Variants in EPB41L1 observed in about 807,000 individuals in gnomAD.
EPB41L1 encodes the protein band 4.1-like protein 1.
Under a neutral mutation model 97.8 loss-of-function variants are expected in EPB41L1, and 29 were observed. The observed-to-expected ratio is 0.30, with a 90% confidence interval of 0.22 to 0.40. The LOEUF is 0.40. EPB41L1 is among the 10% of genes least tolerant of loss of function. The pLI is 1.00. For synonymous variants in EPB41L1, 383 were observed against 459.2 expected (o/e 0.83, Z 2.12); for missense variants, 812 against 1,162.3 (o/e 0.70, Z 4.38).
intron 15 of EPB41L1, among the ~76,000 whole-genome samples, chr20:36,210,864 T>C (rs1000578336): frequency 5.3e-5 from 8 of 152,216 alleles, no homozygotes; most frequent in African/African-American, 1.9e-4. Flanking sequence ...AATAGATGAT[T>C]AACTGGATGA....
intron 14 of EPB41L1, among the ~76,000 whole-genome samples, chr20:36,199,814 A>G (rs1335098364): frequency 1.3e-5 from 2 of 152,088 alleles, no homozygotes; most frequent in African/African-American, 4.8e-5. Context: ...TGCAGAGGCT[A>G]CTGAAAGAGT....
rs528613205 is a variant in EPB41L1, at chr20:36,197,837, C to T, written c.1486-22C>T. The T allele has an allele frequency of 8.9e-5, 144 of 1,614,080 alleles. No individual in the cohort carries two copies. The South Asian group carries it at 1.5e-3, about 16-fold the overall frequency. On this transcript the variant is annotated intron_variant, in intron 13 of 21. Coordinates refer to ENST00000338074, the MANE Select transcript of EPB41L1 (RefSeq NM_012156.2). ...CTTGGAGCTGTTCCCCTAACACCACCACCCTCTCCATCTATCCCTAGTTCT... is the reference window on the plus strand; with the variant it reads ...CTTGGAGCTGTTCCCCTAACACCACTACCCTCTCCATCTATCCCTAGTTCT...
At chr20:36,186,095 G>T (rs780892651) in intron 7 of EPB41L1, among the ~76,000 whole-genome samples, 1 of 152,180 alleles carries the variant, frequency 6.6e-6, no homozygotes, top group Non-Finnish European at 1.5e-5. Flanking sequence ...TCATTGTGCA[G>T]AATGTTCAGC....
chr20:36,188,581 AACACACACACACACAC>A lies in EPB41L1; in HGVS notation c.1026+128_1026+143del, dbSNP rs55990020. The A allele has an allele frequency of 6.4e-4, 301 of 467,286 alleles. 3 individuals are homozygous for A. Among genetic ancestry groups the A allele is most frequent in the East Asian group, 3.2e-3 (40 of 12,698 alleles). 28.9% of individuals were successfully genotyped at this position (467,286 alleles called of 1,614,324 possible). On this transcript the variant is annotated intron_variant, in intron 9 of 21. Coordinates refer to ENST00000338074, the MANE Select transcript of EPB41L1 (RefSeq NM_012156.2). Reference sequence around the variant, plus strand: ...CCCTGGCAGCTGGGCCTGGACTGCCAACACACACACACACACACACACACACACACACACACACACA... The same window carrying A: ...CCCTGGCAGCTGGGCCTGGACTGCCAACACACACACACACACACACACACA...
rs540248862 is a variant in EPB41L1 at position 36,168,536 on chromosome 20, CT to C, written c.-14-5214del. Among the ~76,000 whole-genome samples, 1,050 of 140,278 alleles carry C rather than the reference CT, an allele frequency of 7.5e-3. 7 individuals are homozygous for C. The highest frequency in any genetic ancestry group is 0.022 in the South Asian group (97 of 4,370). 92.0% of individuals were successfully genotyped at this position (140,278 alleles called of 152,430 possible). On this transcript the variant is annotated intron_variant, in intron 1 of 21. Coordinates refer to ENST00000338074, the MANE Select transcript of EPB41L1 (RefSeq NM_012156.2). ...TATTGGGTGTATACCATGTTAAGTG[CT>C]TTTTTTTTTTTTTAGATGGAGTCTT...
In EPB41L1 at chr20:36,130,244, G is replaced by GT. The variant is rs113296137; in HGVS notation, c.-10+17775dup. 3.3e-3 allele frequency among the ~76,000 whole-genome samples: 350 copies of GT among 107,466 alleles called. 3 individuals are homozygous for GT. Among genetic ancestry groups the GT allele is most frequent in the Middle Eastern group, 0.016 (3 of 192 alleles). 70.5% of individuals were successfully genotyped at this position (107,466 alleles called of 152,430 possible). On this transcript the variant is annotated intron_variant, in intron 2 of 19. Transcript: ENST00000202028. ...GGCATGAGCCACCTTGCCCAGCAGT[G>GT]TTTTTTTTTTTGTTTTTTTTAATTA... is the stretch of plus-strand genomic sequence containing the variant.
upstream of EPB41L1, chr20:36,150,353 G>A (rs1325091884): frequency 6.6e-6 from 1 of 152,176 alleles, no homozygotes; most frequent in Non-Finnish European, 1.5e-5. Context: ...TTACAGGTGT[G>A]AGCCATGCCC....
chr20:36,201,768 A>G (rs1190271550), intron 14 of EPB41L1, among the ~76,000 whole-genome samples: 1 of 152,184 alleles, frequency 6.6e-6, no homozygotes, highest in Non-Finnish European at 1.5e-5. Context: ...AGGCCCAGGC[A>G]GGAGGCTGTG....
chr20:36,201,222 C>G (rs1412067006), intron 14 of EPB41L1, among the ~76,000 whole-genome samples: 1 of 152,228 alleles, frequency 6.6e-6, no homozygotes, highest in East Asian at 1.9e-4. Flanking sequence ...TGCAACCATT[C>G]TGGGAAGACA....
rs144426436 is a variant in EPB41L1 at position 36,198,016 on chromosome 20, A to G, written c.1643A>G (p.Lys548Arg). 3.8e-3 allele frequency: 6,057 copies of G among 1,613,530 alleles called. 25 individuals carry two copies. The highest frequency in any genetic ancestry group is 4.3e-3 in the Non-Finnish European group (5,129 of 1,179,888). The change falls in exon 14 of 22, where the codon AAG becomes AGG. Residue 548 changes from lysine (K) to arginine (R), a missense_variant. Transcript: ENST00000338074. Reference protein sequence around the residue: ...LPSSPASPSPKGTPEKANERA... With the variant: ...LPSSPASPSPRGTPEKANERA... Reference sequence around the variant, plus strand: ...TCCTCCCCCGCCTCCCCCTCCCCCAAGGGCACCCCTGAGAAAGCCAATGAG... The same window carrying G: ...TCCTCCCCCGCCTCCCCCTCCCCCAGGGGCACCCCTGAGAAAGCCAATGAG...
intron 11 of EPB41L1, among the ~76,000 whole-genome samples, chr20:36,193,550 T>C (rs1385809673): frequency 6.6e-6 from 1 of 152,222 alleles, no homozygotes; most frequent in African/African-American, 2.4e-5. Context: ...TGATGCGAAG[T>C]CTAGTTCCAC....
At chr20:36,151,287 G>A (rs1461032005), upstream of EPB41L1, 1 of 152,278 alleles carries the variant, frequency 6.6e-6, no homozygotes, top group Admixed American at 6.5e-5. Context: ...AGACAGAGCA[G>A]AGAGGGAATG....
intron 13 of EPB41L1, chr20:36,197,627 ACATCTCCTCTTTTTCATCTTCAGTGCT>A (rs2062271847): frequency 1.0e-6 from 1 of 985,214 alleles, no homozygotes; most frequent in Admixed American, 6.2e-5. Context: ...GCTTGACTAG[ACATCTCCTCTTTTTCATCTTCAGTGCT>A]CTGTGCCTTG....
intron 2 of EPB41L1, among the ~76,000 whole-genome samples, chr20:36,119,586 G>A (rs1237047644): frequency 6.9e-6 from 1 of 145,764 alleles, no homozygotes; most frequent in East Asian, 2.1e-4. Flanking sequence ...GACAGAGCAA[G>A]ACTCCATCTC....
intron 15 of EPB41L1, among the ~76,000 whole-genome samples, chr20:36,210,798 A>C (rs1017942958): frequency 1.3e-5 from 2 of 152,224 alleles, no homozygotes. Context: ...AGTGGCTGAC[A>C]AGCCTGCTCT....
chr20:36,096,206 T>C (rs2057825847), intron 1 of EPB41L1, among the ~76,000 whole-genome samples: 1 of 152,118 alleles, frequency 6.6e-6, no homozygotes, highest in Non-Finnish European at 1.5e-5. Context: ...TTGAAACACT[T>C]GGAAAGCCTC....
chr20:36,217,691 A>C (rs567113295), intron 17 of EPB41L1, among the ~76,000 whole-genome samples: 5 of 152,168 alleles, frequency 3.3e-5, no homozygotes, highest in Non-Finnish European at 7.4e-5. Flanking sequence ...TGCCCTTGGG[A>C]AGCCTGCTGC....
At chr20:36,196,780 C>G (rs1000751252) in intron 13 of EPB41L1, among the ~76,000 whole-genome samples, 1 of 152,208 alleles carries the variant, frequency 6.6e-6, no homozygotes, top group Non-Finnish European at 1.5e-5. Flanking sequence ...TTTAAGCAGC[C>G]TTGCAGATAA....
At chr20:36,158,103 G>A (rs1389467753) in intron 1 of EPB41L1, among the ~76,000 whole-genome samples, 1 of 152,186 alleles carries the variant, frequency 6.6e-6, no homozygotes, top group African/African-American at 2.4e-5. Flanking sequence ...TGGAGCTGTG[G>A]CTTAGATAGT....
Sources: allele counts gnomAD v4.1 joint callset (sites outside exome capture counted in the v4.1 genomes callset), GRCh38; gene constraint gnomAD v4.1.1; transcripts MANE v1.5; gene names NCBI Gene and HGNC (gene_info 2026-07-23, HGNC 2026-07-21).